The following GPR12 variants were observed in gnomAD, a reference collection of about 807,000 sequenced individuals.
GPR12 encodes G-protein coupled receptor 12.
GPR12 carries 7 observed loss-of-function variants against 18.9 expected under a neutral mutation model. The ratio of observed to expected loss-of-function variants is 0.37; its 90% CI spans 0.21 to 0.70. The LOEUF (loss-of-function observed/expected upper bound fraction) is 0.70. GPR12 is among the 30% of genes least tolerant of loss of function. GPR12 has a pLI of 0.54. For synonymous variants in GPR12, 201 were observed against 188.6 expected, an observed-to-expected ratio of 1.07 and a Z score of -0.54; for missense variants, 327 against 427.7, an observed-to-expected ratio of 0.76 and a Z score of 2.08.
chr13:26,759,281 G>C lies in GPR12; in HGVS notation c.547C>G (p.Arg183Gly), dbSNP rs1236780692. ...LLPVMGWNCL[R>G]DESTCSVVRP... ...ACCACGCTGCAGGTGGACTCGTCTC[G>C]GAGGCAGTTCCAGCCCATGACGGGC... The change falls in exon 2 of 2, where the codon CGA (arginine) becomes GGA (glycine). Residue 183 changes from arginine to glycine, a missense_variant. Physicochemically the swap from Arg to Gly is moderately radical, Grantham distance 125. Transcript: ENST00000405846. 4 of 1,612,954 alleles carry C rather than the reference G, an allele frequency of 2.5e-6. No homozygotes were observed. In the African/African-American group the frequency reaches 5.3e-5, roughly 22 times the overall value.
rs1213793566 is a variant in GPR12 at position 26,760,733 on chromosome 13, G to C, written c.-170C>G. ...GCGCGGGGCGCGCACTCCGCGGCAG[G>C]TGAGCGGCGCGGCTGCAGGTGAGCA... On this transcript the variant is annotated 5_prime_UTR_variant, in exon 1 of 2. Coordinates refer to ENST00000405846, the MANE Select transcript of GPR12 (RefSeq NM_005288.4). 4 of 148,022 alleles carry C rather than the reference G, an allele frequency of 2.7e-5. No individual in the cohort carries two copies. Among genetic ancestry groups the C allele is most frequent in the African/African-American group, 9.8e-5 (4 of 40,618 alleles). 9.2% of individuals were successfully genotyped at this position (148,022 alleles called of 1,614,324 possible).
Position 26,759,528 on chromosome 13 carries a change from A to C in GPR12, c.300T>G (p.Asn100Lys). ...DLLAGIGLIT[N>K]FVFAYLLQSE... ...ACTGAAGCAGGTAGGCAAAAACAAA[A>C]TTGGTGATGAGTCCAATGCCGGCCA... The change falls in exon 2 of 2, where the codon AAT (asparagine) becomes AAG (lysine). Residue 100 changes from asparagine (N) to lysine (K), a missense_variant. Physicochemically the swap from Asn to Lys is moderately conservative, Grantham distance 94 (BLOSUM62 0). Coordinates refer to ENST00000405846, the MANE Select transcript of GPR12 (RefSeq NM_005288.4). 2.5e-6 allele frequency: 4 copies of C among 1,614,190 alleles called. No homozygotes were observed. The highest frequency in any genetic ancestry group is 3.4e-6 in the Non-Finnish European group (4 of 1,180,034).
rs1232440419 is a variant in GPR12, at chr13:26,758,153, CAGA to C, written c.*667_*669del. ...GGTCTAGCTAACACAGTCGACCATGCAGAAGGAGTTGCAACATTTATAGAAATA... is the reference window on the plus strand; with the variant it reads ...GGTCTAGCTAACACAGTCGACCATGCAGGAGTTGCAACATTTATAGAAATA... On this transcript the variant is annotated 3_prime_UTR_variant, in exon 2 of 2. Coordinates refer to ENST00000405846, the MANE Select transcript of GPR12 (RefSeq NM_005288.4). The C allele has an allele frequency of 1.1e-4, 16 of 152,254 alleles. No individual in the cohort carries two copies. Among genetic ancestry groups the C allele is most frequent in the African/African-American group, 3.9e-4 (16 of 41,552 alleles). 9.4% of individuals were successfully genotyped at this position (152,254 alleles called of 1,614,324 possible).
rs1373280634 is a variant in GPR12 at position 26,757,145 on chromosome 13, T to G, written c.*1678A>C. On this transcript the variant is annotated 3_prime_UTR_variant, in exon 2 of 2. Transcript: ENST00000405846. Reference sequence around the variant, plus strand: ...AGTAACCTCAGGGAGGAGACACAGATTCAAGTAGAGGATTTTTTCACACGT... The same window carrying G: ...AGTAACCTCAGGGAGGAGACACAGAGTCAAGTAGAGGATTTTTTCACACGT... 1 of 152,190 alleles carries G rather than the reference T, an allele frequency of 6.6e-6. No individual in the cohort carries two copies. The highest frequency in any genetic ancestry group is 1.5e-5 in the Non-Finnish European group (1 of 68,040). The allele number at this position is 152,190 out of a possible 1,614,324, so 9.4% of individuals were successfully genotyped here.
At position 26,757,296 on chromosome 13, in the gene GPR12, C is replaced by G. The variant is rs1194307625; in HGVS notation, c.*1527G>C. 6.6e-6 allele frequency: 1 copy of G among 152,168 alleles called. No homozygotes were observed. The highest frequency in any genetic ancestry group is 1.5e-5 in the Non-Finnish European group (1 of 68,032). The allele number at this position is 152,168 out of a possible 1,614,324, so 9.4% of individuals were successfully genotyped here. A position where few individuals can be genotyped will look rare whatever the true frequency, so the allele number is the denominator to read the frequency against. On this transcript the variant is annotated 3_prime_UTR_variant, in exon 2 of 2. Transcript: ENST00000405846. ...AGGTTAATTTATTACAAATGATTCC[C>G]CAATGACCCTGAAATACTGCTTTTG...
In GPR12 at chr13:26,756,086, A is replaced by T. The variant is rs1461901581; in HGVS notation, c.*2737T>A. On this transcript the variant is annotated 3_prime_UTR_variant, in exon 2 of 2. Coordinates refer to ENST00000405846, the MANE Select transcript of GPR12 (RefSeq NM_005288.4). ...TTTTCACAATTTAAACGGTAAAGGC[A>T]TGTTGTTAGTTGAACTGAAAAATCT... 6.6e-6 allele frequency: 1 copy of T among 152,248 alleles called. No individual in the cohort carries two copies. Among genetic ancestry groups the T allele is most frequent in the African/African-American group, 2.4e-5 (1 of 41,464 alleles). The allele number at this position is 152,248 out of a possible 1,614,324, so 9.4% of individuals were successfully genotyped here.
At position 26,759,706 on chromosome 13, in the gene GPR12, T is replaced by C. The variant is rs764386715; in HGVS notation, c.122A>G (p.Glu41Gly). The stretch of plus-strand genomic sequence containing the variant: ...AATGTCCCAGGGGTTGACTACGAGC[T>C]CAGGCTCTGGCTCTACGGCAGGAAC... ...SRVPAVEPEP[E>G]LVVNPWDIVL... Residue 41 changes from glutamate (E) to glycine (G), a missense_variant, in exon 2 of 2, where the codon GAG becomes GGG. Physicochemically the swap from Glu to Gly is moderately conservative, Grantham distance 98. Transcript: ENST00000405846. 1 of 1,613,892 alleles carries C rather than the reference T, an allele frequency of 6.2e-7. No individual in the cohort carries two copies. The highest frequency in any genetic ancestry group is 1.1e-5 in the South Asian group (1 of 91,062).
At position 26,758,666 on chromosome 13, in the gene GPR12, C is replaced by T. The variant is rs1340431314; in HGVS notation, c.*157G>A. ...GGTAACATTATTTTCACTTCAATCA[C>T]TTAACTCATCTGAACGATGTCATTG... On this transcript the variant is annotated 3_prime_UTR_variant, in exon 2 of 2. Transcript: ENST00000405846. The T allele has an allele frequency of 1.3e-5, 15 of 1,115,036 alleles. No individual in the cohort carries two copies. The highest frequency in any genetic ancestry group is 1.8e-5 in the Non-Finnish European group (15 of 813,470). 69.1% of individuals were successfully genotyped at this position (1,115,036 alleles called of 1,614,324 possible).
Position 26,757,853 on chromosome 13 carries a change from G to A in GPR12, c.*970C>T, listed in dbSNP as rs554520442. On this transcript the variant is annotated 3_prime_UTR_variant, in exon 2 of 2. Coordinates refer to ENST00000405846, the MANE Select transcript of GPR12 (RefSeq NM_005288.4). ...ATATTCTCAGAGAGAGAGGAAAGGTGATTTTTTTCATTTCATGATAATGTC... is the reference window on the plus strand; with the variant it reads ...ATATTCTCAGAGAGAGAGGAAAGGTAATTTTTTTCATTTCATGATAATGTC... 3.3e-5 allele frequency: 5 copies of A among 152,178 alleles called. No homozygotes were observed. Among genetic ancestry groups the A allele is most frequent in the African/African-American group, 9.6e-5 (4 of 41,544 alleles). The allele number at this position is 152,178 out of a possible 1,614,324, so 9.4% of individuals were successfully genotyped here.
chr13:26,756,685 G>A lies in GPR12; in HGVS notation c.*2138C>T, dbSNP rs1884381367. On this transcript the variant is annotated 3_prime_UTR_variant, in exon 2 of 2. Transcript: ENST00000405846. ...GGCCTCGGGCACATTTTTTATCCTC[G>A]CCTCTCTTAGTCTTAGTTTTCTCAC... 1 of 152,004 alleles carries A rather than the reference G, an allele frequency of 6.6e-6. No homozygotes were observed. Among genetic ancestry groups the A allele is most frequent in the Non-Finnish European group, 1.5e-5 (1 of 68,010 alleles). 9.4% of individuals were successfully genotyped at this position (152,004 alleles called of 1,614,324 possible).
chr13:26,759,613 T>C lies in GPR12; in HGVS notation c.215A>G (p.Asn72Ser), dbSNP rs368907025. 4.3e-6 allele frequency: 7 copies of C among 1,613,126 alleles called. No individual in the cohort carries two copies. The highest frequency in any genetic ancestry group is 5.9e-6 in the Non-Finnish European group (7 of 1,179,868). ...NAIVVLIIFHNPSLRAPMFLL... is the reference protein window; with the variant it reads ...NAIVVLIIFHSPSLRAPMFLL... Reference sequence around the variant, plus strand: ...GAACATGGGTGCTCGCAGGCTGGGGTTGTGGAAGATGATAAGGACCACAAT... The same window carrying C: ...GAACATGGGTGCTCGCAGGCTGGGGCTGTGGAAGATGATAAGGACCACAAT... Residue 72 changes from asparagine to serine, a missense_variant, in exon 2 of 2, where the codon AAC becomes AGC. Coordinates refer to ENST00000405846, the MANE Select transcript of GPR12 (RefSeq NM_005288.4).
rs199897812 is a variant in GPR12, at chr13:26,759,018, A to G, written c.810T>C (p.Tyr270=). 1.2e-6 allele frequency: 2 copies of G among 1,613,912 alleles called. No homozygotes were observed. Among genetic ancestry groups the G allele is most frequent in the Admixed American group, 1.7e-5 (1 of 60,002 alleles). The change falls in exon 2 of 2, where the codon TAT becomes TAC. Residue 270 remains tyrosine (Y), a synonymous_variant. Coordinates refer to ENST00000405846, the MANE Select transcript of GPR12 (RefSeq NM_005288.4). ...GGTAGGTGTAATCCGCTATCAAGGA[A>G]TAGAGGGTGAAAGGCATCCAGCAAG... ...FAACWMPFTL[Y]SLIADYTYPS... is the part of the protein sequence containing the mutation.
In GPR12 at chr13:26,759,191, T is replaced by C; in HGVS notation, c.637A>G (p.Met213Val). 6.8e-6 allele frequency: 11 copies of C among 1,612,482 alleles called. No individual in the cohort carries two copies. Among genetic ancestry groups the C allele is most frequent in the Non-Finnish European group, 9.3e-6 (11 of 1,179,768 alleles). ...SVSFLFMFAL[M>V]LQLYIQICKI... ...CAGATCTGGATGTAGAGCTGAAGCA[T>C]GAGCGCAAACATGAAGAGGAAGGAC... The change falls in exon 2 of 2, where the codon ATG becomes GTG. Residue 213 changes from methionine (M) to valine (V), a missense_variant. Met to Val is a conservative substitution (Grantham distance 21, BLOSUM62 1). Coordinates refer to ENST00000405846, the MANE Select transcript of GPR12 (RefSeq NM_005288.4).
At position 26,759,674 on chromosome 13, in the gene GPR12, A is replaced by G. The variant is rs1884444926; in HGVS notation, c.154T>C (p.Cys52Arg). 1 of 1,613,964 alleles carries G rather than the reference A, an allele frequency of 6.2e-7. No individual in the cohort carries two copies. Residue 52 changes from cysteine (C) to arginine (R), a missense_variant, in exon 2 of 2, where the codon TGT becomes CGT. Cys to Arg is a radical substitution (Grantham distance 180). Coordinates refer to ENST00000405846, the MANE Select transcript of GPR12 (RefSeq NM_005288.4). ...LVVNPWDIVL[C>R]TSGTLISCEN... Reference sequence around the variant, plus strand: ...CAGGAGATGAGGGTTCCCGAGGTACACAAGACAATGTCCCAGGGGTTGACT... The same window carrying G: ...CAGGAGATGAGGGTTCCCGAGGTACGCAAGACAATGTCCCAGGGGTTGACT...
rs1300281692 is a variant in GPR12, at chr13:26,755,927, G to A, written c.*2896C>T. The A allele has an allele frequency of 1.3e-5, 2 of 152,144 alleles. No homozygotes were observed. The highest frequency in any genetic ancestry group is 2.9e-5 in the Non-Finnish European group (2 of 68,034). 9.4% of individuals were successfully genotyped at this position (152,144 alleles called of 1,614,324 possible). Reference sequence around the variant, plus strand: ...ATGAGGTCTTTGGTCCTGTTGCAAAGTTAATATTATTGGGTATACGTATGC... The same window carrying A: ...ATGAGGTCTTTGGTCCTGTTGCAAAATTAATATTATTGGGTATACGTATGC... On this transcript the variant is annotated 3_prime_UTR_variant, in exon 2 of 2. Transcript: ENST00000405846.
Position 26,759,640 on chromosome 13 carries a change from G to T in GPR12, c.188C>A (p.Ala63Asp). The T allele has an allele frequency of 6.2e-7, 1 of 1,614,066 alleles. No homozygotes were observed. ...TSGTLISCEN[A>D]IVVLIIFHNP... ...GTGGAAGATGATAAGGACCACAATG[G>T]CATTTTCACAGGAGATGAGGGTTCC... Residue 63 changes from alanine to aspartate, a missense_variant, in exon 2 of 2, where the codon GCC becomes GAC. Transcript: ENST00000405846.
Position 26,758,928 on chromosome 13 carries a change from T to C in GPR12, c.900A>G (p.Ile300Met). ...ATYNSIINPV[I>M]YAFRNQEIQK... is the part of the protein sequence containing the mutation. The stretch of plus-strand genomic sequence containing the variant: ...GGATCTCTTGGTTTCTGAAAGCATA[T>C]ATGACAGGGTTGATGATGGAATTGT... The change falls in exon 2 of 2, where the codon ATA becomes ATG. Residue 300 changes from isoleucine to methionine, a missense_variant. Ile to Met is a conservative substitution (Grantham distance 10, BLOSUM62 1). Transcript: ENST00000405846. 1.2e-6 allele frequency: 2 copies of C among 1,613,966 alleles called. No homozygotes were observed. Among genetic ancestry groups the C allele is most frequent in the Non-Finnish European group, 1.7e-6 (2 of 1,179,988 alleles).
In GPR12 at chr13:26,758,701, T is replaced by C. The variant is rs542611211; in HGVS notation, c.*122A>G. On this transcript the variant is annotated 3_prime_UTR_variant, in exon 2 of 2. Transcript: ENST00000405846. ...CTGAACGATGTCATTGTTTCACGAA[T>C]GCTAAGTGCTCCTGTGGCTTGAGAG... 1.8e-5 allele frequency: 25 copies of C among 1,368,106 alleles called. No individual in the cohort carries two copies. In the African/African-American group the frequency reaches 2.5e-4, roughly 14 times the overall value. The allele number at this position is 1,368,106 out of a possible 1,614,324, so 84.7% of individuals were successfully genotyped here. A position where few individuals can be genotyped will look rare whatever the true frequency, so the allele number is the denominator to read the frequency against.
rs1314073469 is a variant in GPR12, at chr13:26,758,647, A to C, written c.*176T>G. On this transcript the variant is annotated 3_prime_UTR_variant, in exon 2 of 2. Transcript: ENST00000405846. Reference sequence around the variant, plus strand: ...TTTTAATGGTGAAAACACTGGTAACATTATTTTCACTTCAATCACTTAACT... The same window carrying C: ...TTTTAATGGTGAAAACACTGGTAACCTTATTTTCACTTCAATCACTTAACT... 2.0e-6 allele frequency: 2 copies of C among 983,340 alleles called. No individual in the cohort carries two copies. Among genetic ancestry groups the C allele is most frequent in the Non-Finnish European group, 2.9e-6 (2 of 698,556 alleles). 60.9% of individuals were successfully genotyped at this position (983,340 alleles called of 1,614,324 possible). A position where few individuals can be genotyped will look rare whatever the true frequency, so the allele number is the denominator to read the frequency against.
Sources: allele counts gnomAD v4.1 joint callset, GRCh38; gene constraint gnomAD v4.1.1; transcripts MANE v1.5; gene names NCBI Gene and HGNC (gene_info 2026-07-23, HGNC 2026-07-21).